The following SLC35D4 variants were observed in gnomAD, a reference collection of about 807,000 sequenced individuals.
SLC35D4 encodes the protein solute carrier family 35 member D4.
At chr18:23,324,919 A>G in the SLC35D4 span, among the ~76,000 whole-genome samples, 1 of 152,178 alleles carries the variant, frequency 6.6e-6, no homozygotes, top group Non-Finnish European at 1.5e-5. Context: ...CTAGCAACAT[A>G]TTTTAAAAGT....
At chr18:23,366,580 C>T in the SLC35D4 span, among the ~76,000 whole-genome samples, 1 of 152,168 alleles carries the variant, frequency 6.6e-6, no homozygotes, top group Non-Finnish European at 1.5e-5. Flanking sequence ...GTTATGGCCC[C>T]TCAGTGGCTC....
chr18:23,332,946 T>C, the SLC35D4 span, among the ~76,000 whole-genome samples: 1 of 152,218 alleles, frequency 6.6e-6, no homozygotes, highest in Non-Finnish European at 1.5e-5. Flanking sequence ...GTCTCCGAAA[T>C]GCTGGGCTGC....
the SLC35D4 span, among the ~76,000 whole-genome samples, chr18:23,291,965 C>T: frequency 6.6e-6 from 1 of 152,216 alleles, no homozygotes; most frequent in Non-Finnish European, 1.5e-5. Context: ...CTTTGACTGG[C>T]TTCCCCCAGA....
the SLC35D4 span, chr18:23,384,864 T>C: frequency 1.4e-6 from 1 of 728,818 alleles, no homozygotes; most frequent in Non-Finnish European, 2.3e-6. Flanking sequence ...TTGATCACTA[T>C]CAGGTAATCT....
the SLC35D4 span, among the ~76,000 whole-genome samples, chr18:23,401,086 A>G: frequency 1.3e-5 from 2 of 152,150 alleles, no homozygotes; most frequent in African/African-American, 2.4e-5. Context: ...TTTGTTTTAA[A>G]TGTTTTATAT....
chr18:23,254,007 C>A, the SLC35D4 span: 1 of 1,301,146 alleles, frequency 7.7e-7, no homozygotes, highest in Non-Finnish European at 1.1e-6. Flanking sequence ...CAGAAGGATT[C>A]GGTCAGTGAC....
the SLC35D4 span, chr18:23,253,142 C>T: frequency 1.2e-6 from 1 of 814,844 alleles, no homozygotes; most frequent in Non-Finnish European, 2.1e-6. Context: ...TGTCATCTGT[C>T]CAGTGGTCCT....
the SLC35D4 span, among the ~76,000 whole-genome samples, chr18:23,435,320 G>A: frequency 6.6e-6 from 1 of 151,950 alleles, no homozygotes; most frequent in Non-Finnish European, 1.5e-5. Flanking sequence ...CATGACAGAT[G>A]TGTTAATCTA....
the SLC35D4 span, among the ~76,000 whole-genome samples, chr18:23,266,229 C>CGT: frequency 6.6e-6 from 1 of 152,074 alleles, no homozygotes; most frequent in Non-Finnish European, 1.5e-5. Context: ...CTAGGCAGAC[C>CGT]GTGCGGCCTT....
the SLC35D4 span, among the ~76,000 whole-genome samples, chr18:23,262,436 G>A: frequency 9.2e-5 from 14 of 152,356 alleles, no homozygotes; most frequent in Admixed American, 2.6e-4. Context: ...ATTCTCTACT[G>A]TAGCTGGGGA....
chr18:23,381,265 G>A, the SLC35D4 span, among the ~76,000 whole-genome samples: 10 of 152,310 alleles, frequency 6.6e-5, no homozygotes, highest in South Asian at 6.2e-4. Flanking sequence ...CTTACCGTTC[G>A]TGTAAATACA....
chr18:23,432,286 A>C, the SLC35D4 span, among the ~76,000 whole-genome samples: 1 of 152,212 alleles, frequency 6.6e-6, no homozygotes, highest in Non-Finnish European at 1.5e-5. Flanking sequence ...TTGCTAAAGA[A>C]CAGAGAAAAA....
the SLC35D4 span, among the ~76,000 whole-genome samples, chr18:23,313,156 A>AAAAAAAAAAAAAAAAAAAAAAAAAAT: frequency 6.8e-6 from 1 of 146,524 alleles, no homozygotes; most frequent in Non-Finnish European, 1.5e-5. Context: ...AAAAAAAAAA[A>AAAAAAAAAAAAAAAAAAAAAAAAAAT]AGAACCTGAG....
chr18:23,284,666 C>G, the SLC35D4 span, among the ~76,000 whole-genome samples: 19 of 152,242 alleles, frequency 1.2e-4, no homozygotes, highest in Non-Finnish European at 2.6e-4. Context: ...GGCCTAGTCA[C>G]TCATATTGAC....
At chr18:23,243,843 G>A in the SLC35D4 span, among the ~76,000 whole-genome samples, 4 of 148,430 alleles carry the variant, frequency 2.7e-5, no homozygotes, top group African/African-American at 5.0e-5. Context: ...CTGTACCCCG[G>A]CCTGGGCGAT....
At chr18:23,417,771 T>C in the SLC35D4 span, among the ~76,000 whole-genome samples, 1 of 152,190 alleles carries the variant, frequency 6.6e-6, no homozygotes, top group African/African-American at 2.4e-5. Flanking sequence ...GTAAGGTAAT[T>C]TTTTAAAGAC....
the SLC35D4 span, among the ~76,000 whole-genome samples, chr18:23,413,626 T>C: frequency 0.1 from 15,719 of 152,150 alleles, 1,094 homozygotes; most frequent in Middle Eastern, 0.19. Flanking sequence ...GCAATGTTAG[T>C]ATTAAGAAAT....
At chr18:23,408,812 CTCTCT>C in the SLC35D4 span, among the ~76,000 whole-genome samples, 16,947 of 143,832 alleles carry the variant, frequency 0.12, 679 homozygotes, top group Middle Eastern at 0.18. Flanking sequence ...TATATCTTAT[CTCTCT>C]TTTTTTTTTT....
chr18:23,363,779 A>G, the SLC35D4 span, among the ~76,000 whole-genome samples: 1 of 152,320 alleles, frequency 6.6e-6, no homozygotes, highest in East Asian at 1.9e-4. Flanking sequence ...CGCAACTAAA[A>G]GGCAGACAAC....
Sources: allele counts gnomAD v4.1 joint callset (sites outside exome capture counted in the v4.1 genomes callset), GRCh38; gene constraint gnomAD v4.1.1; transcripts MANE v1.5; gene names NCBI Gene and HGNC (gene_info 2026-07-23, HGNC 2026-07-21).